The following DST variants were observed in gnomAD, a reference collection of about 807,000 sequenced individuals.
DST encodes the protein dystonin.
DST carries 253 observed loss-of-function variants against 875.2 expected under a neutral mutation model. The observed-to-expected ratio is 0.29, with a 90% CI of 0.26 to 0.32. The LOEUF (loss-of-function observed/expected upper bound fraction) is 0.32. Among genes scored for constraint, DST ranks in the 10% least tolerant of loss-of-function variants. The probability of loss-of-function intolerance (pLI) is 1.00; values close to 1 mark genes in which losing one functional copy is unlikely to be tolerated. For missense variants in DST, 8,287 were observed against 9,111.6 expected, an observed-to-expected ratio of 0.91 and a Z score of 3.68; for synonymous variants, 3,124 against 3,197.1, an observed-to-expected ratio of 0.98 and a Z score of 0.77.
intron 25 of DST, 59 bp from the exon 26 acceptor site, chr6:56,634,675 C>A: frequency 1.2e-6 from 2 of 1,610,028 alleles, no homozygotes; most frequent in Non-Finnish European, 1.7e-6. Flanking sequence ...GTTTTCCATA[C>A]TCAATCCTGG....
intron 10 of DST, among the ~76,000 whole-genome samples, chr6:56,667,272 A>C (rs2099076674): frequency 6.6e-6 from 1 of 152,246 alleles, no homozygotes; most frequent in Admixed American, 6.5e-5. Flanking sequence ...TCATGGTGAT[A>C]TTTTGATTGT....
At chr6:56,468,417 CTGAGT>C (rs1417322243) in intron 98 of DST, among the ~76,000 whole-genome samples, 5 of 152,172 alleles carry the variant, frequency 3.3e-5, no homozygotes, top group African/African-American at 1.2e-4. Flanking sequence ...TTAAAGCCTA[CTGAGT>C]TAACATTTCT....
At position 56,654,886 on chromosome 6, in the gene DST, C is replaced by T. The variant is rs116869973; in HGVS notation, c.1215-3642G>A. Among the ~76,000 whole-genome samples the T allele has an allele frequency of 1.9e-3, 287 of 152,162 alleles. 5 individuals carry two copies. In the East Asian group the frequency reaches 0.05, roughly 27 times the overall value. ...ATAAATGGCTAAAGATCAGGCTGGGCGCAGTGGCTCATGCCTGTAATCCCA... is the reference window on the plus strand; with the variant it reads ...ATAAATGGCTAAAGATCAGGCTGGGTGCAGTGGCTCATGCCTGTAATCCCA... On this transcript the variant is annotated intron_variant, in intron 10 of 103. Coordinates refer to ENST00000680361, the MANE Select transcript of DST (RefSeq NM_001374736.1).
At position 56,487,175 on chromosome 6, in the gene DST, G is replaced by A. The variant is rs199658821; in HGVS notation, c.20976C>T (p.Asn6992=). 800 of 1,613,908 alleles carry A rather than the reference G, an allele frequency of 5.0e-4. 1 individual carries two copies. Among genetic ancestry groups the A allele is most frequent in the Admixed American group, 1.9e-3 (114 of 60,020 alleles). The change falls in exon 87 of 104, where the codon AAC becomes AAT. Residue 6992 remains asparagine, a synonymous_variant. Transcript: ENST00000680361. ...LKEKTSLADD[N]LKLDDMLSEL... The stretch of plus-strand genomic sequence containing the variant: ...CACTCAGCATGTCATCCAGTTTCAG[G>A]TTGTCATCAGCCAGGGAGGTTTTCT...
intron 9 of DST, among the ~76,000 whole-genome samples, chr6:56,678,840 T>C: frequency 6.6e-6 from 1 of 152,212 alleles, no homozygotes; most frequent in East Asian, 1.9e-4. Flanking sequence ...TAACGGGCCT[T>C]TGTCTGCCAT....
At chr6:56,469,356 A>G (rs190677696) in intron 97 of DST, among the ~76,000 whole-genome samples, 64 of 119,586 alleles carry the variant, frequency 5.4e-4, no homozygotes, top group African/African-American at 1.8e-3. Context: ...TCCAAAAGAG[A>G]AAAAAAAAAA....
At position 56,619,005 on chromosome 6, in the gene DST, T is replaced by A. The variant is rs533104230; in HGVS notation, c.4930-4521A>T. Reference sequence around the variant, plus strand: ...TTCAGATTTCTAACTTCTTTCTTGGTATTCTGGATGATAATGTTCTGTTGG... The same window carrying A: ...TTCAGATTTCTAACTTCTTTCTTGGAATTCTGGATGATAATGTTCTGTTGG... On this transcript the variant is annotated intron_variant, in intron 36 of 103. Coordinates refer to ENST00000680361, the MANE Select transcript of DST (RefSeq NM_001374736.1). 3 of 1,614,254 alleles carry A rather than the reference T, an allele frequency of 1.9e-6. No homozygotes were observed. The South Asian group carries it at 3.3e-5, about 18-fold the overall frequency.
chr6:56,784,596 C>T (rs999699292), intron 4 of DST, among the ~76,000 whole-genome samples: 10 of 152,196 alleles, frequency 6.6e-5, no homozygotes, highest in Non-Finnish European at 1.3e-4. Flanking sequence ...AAGCACTTCT[C>T]TGTATTGGTT....
chr6:56,637,202 T>C (rs1212008479), intron 22 of DST, among the ~76,000 whole-genome samples: 1 of 152,204 alleles, frequency 6.6e-6, no homozygotes, highest in Non-Finnish European at 1.5e-5. Flanking sequence ...AAATATAAAT[T>C]CTTAAACCAC....
intron 2 of DST, among the ~76,000 whole-genome samples, chr6:56,915,751 C>G (rs564487574): frequency 8.5e-5 from 13 of 152,164 alleles, no homozygotes; most frequent in Non-Finnish European, 1.9e-4. Context: ...TCAGAAATCA[C>G]TCAAGACACA....
At chr6:56,936,252 C>T (rs1285278787) in intron 2 of DST, among the ~76,000 whole-genome samples, 2 of 152,228 alleles carry the variant, frequency 1.3e-5, no homozygotes, top group Non-Finnish European at 2.9e-5. Flanking sequence ...ATAAGCATGT[C>T]TCTCATTGAA....
intron 3 of DST, among the ~76,000 whole-genome samples, chr6:56,896,961 T>C (rs1791630097): frequency 6.6e-6 from 1 of 152,270 alleles, no homozygotes; most frequent in South Asian, 2.1e-4. Flanking sequence ...AAAAGCTCTT[T>C]AGTTTAATTA....
chr6:56,480,140 C>T (rs1266181914), intron 90 of DST, among the ~76,000 whole-genome samples: 1 of 152,082 alleles, frequency 6.6e-6, no homozygotes, highest in Non-Finnish European at 1.5e-5. Context: ...GCTTTTTAGA[C>T]CTTTTATTTA....
At chr6:56,595,091 G>C (rs2098347908) in intron 47 of DST, among the ~76,000 whole-genome samples, 1 of 152,188 alleles carries the variant, frequency 6.6e-6, no homozygotes, top group South Asian at 2.1e-4. Context: ...GTGGCAAAAA[G>C]GATACTAATC....
Position 56,604,048 on chromosome 6 carries a change from T to C in DST, c.10580A>G (p.His3527Arg). ...TTTGCTTTTAATATCACCAAGAATA[T>C]GTGGCTTTTCTTCCATCATCTCAGA... ...STSEMMEEKP[H>R]ILGDIKSKEG... is the part of the protein sequence containing the mutation. The change falls in exon 40 of 104, where the codon CAT becomes CGT. Residue 3527 changes from histidine (H) to arginine (R), a missense_variant. His to Arg is a conservative substitution (Grantham distance 29). Coordinates refer to ENST00000680361, the MANE Select transcript of DST (RefSeq NM_001374736.1). 2 of 1,588,064 alleles carry C rather than the reference T, an allele frequency of 1.3e-6. No individual in the cohort carries two copies. The highest frequency in any genetic ancestry group is 1.7e-6 in the Non-Finnish European group (2 of 1,165,060).
chr6:56,630,668 C>G (rs950668437), intron 30 of DST, among the ~76,000 whole-genome samples: 4 of 152,198 alleles, frequency 2.6e-5, no homozygotes, highest in African/African-American at 9.7e-5. Context: ...GCTACAACTG[C>G]TGAGCTACCC....
chr6:56,728,405 T>G (rs1339410103), intron 5 of DST, among the ~76,000 whole-genome samples: 1 of 152,206 alleles, frequency 6.6e-6, no homozygotes, highest in East Asian at 1.9e-4. Flanking sequence ...AGAAACTGTT[T>G]CCAATTAAAG....
At chr6:56,613,989 T>C (rs1227874101) in intron 37 of DST, among the ~76,000 whole-genome samples, 1 of 152,206 alleles carries the variant, frequency 6.6e-6, no homozygotes, top group African/African-American at 2.4e-5. Flanking sequence ...TAAGACGGCA[T>C]ATCTTTATGA....
intron 4 of DST, among the ~76,000 whole-genome samples, chr6:56,757,175 A>T (rs1257246968): frequency 6.6e-6 from 1 of 152,232 alleles, no homozygotes; most frequent in Admixed American, 6.5e-5. Context: ...TGGCCCTATT[A>T]TGTATACACT....
Sources: allele counts gnomAD v4.1 joint callset (sites outside exome capture counted in the v4.1 genomes callset), GRCh38; gene constraint gnomAD v4.1.1; transcripts MANE v1.5; gene names NCBI Gene and HGNC (gene_info 2026-07-23, HGNC 2026-07-21).